LRRC4C: variants seen among roughly 807,000 people sequenced by gnomAD.
The protein encoded by LRRC4C is leucine-rich repeat-containing protein 4C.
LRRC4C carries 5 observed loss-of-function variants against 33.6 expected under a neutral mutation model. That is an observed-to-expected ratio of 0.15 (90% CI 0.08 to 0.31). The LOEUF is 0.31. Ranked by LOEUF, LRRC4C falls within the 10% of genes least tolerant of loss-of-function variation. LRRC4C has a pLI of 1.00. For missense variants in LRRC4C, 560 were observed against 796.7 expected, an observed-to-expected ratio of 0.70 and a Z score of 3.58; for synonymous variants, 329 against 302.0, an observed-to-expected ratio of 1.09 and a Z score of -0.93.
chr11:40,481,599 T>A (rs537210391), intron 3 of LRRC4C, among the ~76,000 whole-genome samples: 1,866 of 152,266 alleles, frequency 0.012, 44 homozygotes, highest in Admixed American at 0.036. Context: ...TTTTGTTGAA[T>A]ATAATATGGA....
At chr11:41,183,823 T>C (rs1945563632) in intron 1 of LRRC4C, among the ~76,000 whole-genome samples, 1 of 152,188 alleles carries the variant, frequency 6.6e-6, no homozygotes, top group Non-Finnish European at 1.5e-5. Flanking sequence ...GCCCCATCAC[T>C]GCAGCAAACT....
chr11:40,332,896 G>A (rs1590344001), intron 3 of LRRC4C, among the ~76,000 whole-genome samples: 1 of 152,082 alleles, frequency 6.6e-6, no homozygotes, highest in South Asian at 2.1e-4. Flanking sequence ...TAAGCCAATT[G>A]TCAAGCCATA....
At chr11:40,201,787 AG>A (rs1317960781) in intron 5 of LRRC4C, among the ~76,000 whole-genome samples, 2 of 152,212 alleles carry the variant, frequency 1.3e-5, no homozygotes, top group African/African-American at 4.8e-5. Flanking sequence ...ACATGGGGAA[AG>A]AACAGAAGTA....
At chr11:40,457,006 T>G (rs758379876) in intron 3 of LRRC4C, among the ~76,000 whole-genome samples, 5 of 151,096 alleles carry the variant, frequency 3.3e-5, no homozygotes, top group Non-Finnish European at 7.4e-5. Flanking sequence ...AAATGCAAAG[T>G]AATTTAGAAC....
intron 1 of LRRC4C, among the ~76,000 whole-genome samples, chr11:41,352,841 C>T (rs1291685913): frequency 6.6e-6 from 1 of 151,848 alleles, no homozygotes; most frequent in Non-Finnish European, 1.5e-5. Context: ...AAAAATACAA[C>T]ACACCAGAAT....
At chr11:41,404,749 A>G (rs902648900) in intron 1 of LRRC4C, among the ~76,000 whole-genome samples, 1 of 152,174 alleles carries the variant, frequency 6.6e-6, no homozygotes, top group South Asian at 2.1e-4. Context: ...TTTCACATTA[A>G]GTTAGTCATA....
At chr11:40,134,096 G>GA (rs1251670421) in intron 6 of LRRC4C, among the ~76,000 whole-genome samples, 12 of 152,176 alleles carry the variant, frequency 7.9e-5, no homozygotes, top group Admixed American at 7.2e-4. Context: ...CAGAAAGAGA[G>GA]AAAAAACGGA....
chr11:41,243,327 T>C (rs1342817524), intron 1 of LRRC4C, among the ~76,000 whole-genome samples: 3 of 152,202 alleles, frequency 2.0e-5, no homozygotes, highest in African/African-American at 7.2e-5. Flanking sequence ...AGATAAAGCA[T>C]TGGAATAGAA....
chr11:40,535,522 C>T (rs1956435593), intron 3 of LRRC4C, among the ~76,000 whole-genome samples: 1 of 152,160 alleles, frequency 6.6e-6, no homozygotes, highest in Non-Finnish European at 1.5e-5. Flanking sequence ...TGCAATGTAA[C>T]TTTTAAACAT....
chr11:41,073,435 A>G (rs1938868207), intron 1 of LRRC4C, among the ~76,000 whole-genome samples: 7 of 152,110 alleles, frequency 4.6e-5, no homozygotes, highest in Admixed American at 4.6e-4. Context: ...TGATGATTGA[A>G]ACACCTCTCC....
chr11:40,430,259 G>T (rs940291661), intron 3 of LRRC4C, among the ~76,000 whole-genome samples: 4 of 137,768 alleles, frequency 2.9e-5, no homozygotes. Flanking sequence ...AAAAGTGCAC[G>T]TATGGGGGGG....
intron 2 of LRRC4C, among the ~76,000 whole-genome samples, chr11:40,665,723 G>A (rs1041082647): frequency 5.9e-5 from 9 of 151,882 alleles, no homozygotes; most frequent in African/African-American, 1.9e-4. Context: ...ACAATATCAG[G>A]AAAATGAAGA....
intron 4 of LRRC4C, among the ~76,000 whole-genome samples, chr11:40,256,271 G>A (rs550918702): frequency 1.3e-5 from 2 of 152,262 alleles, no homozygotes; most frequent in African/African-American, 4.8e-5. Context: ...CATAAGCCAA[G>A]ATCATCACCA....
chr11:41,137,299 C>T (rs1034007919), intron 1 of LRRC4C, among the ~76,000 whole-genome samples: 1 of 152,028 alleles, frequency 6.6e-6, no homozygotes, highest in African/African-American at 2.4e-5. Context: ...CAAACACATT[C>T]ATAGACCATC....
intron 1 of LRRC4C, among the ~76,000 whole-genome samples, chr11:40,986,440 AT>A (rs1853002098): frequency 1.3e-5 from 2 of 152,190 alleles, no homozygotes; most frequent in Admixed American, 6.5e-5. Flanking sequence ...TCCACTAAAA[AT>A]AAAAAATATT....
At chr11:40,415,406 G>A (rs950455360) in intron 3 of LRRC4C, among the ~76,000 whole-genome samples, 2 of 152,166 alleles carry the variant, frequency 1.3e-5, no homozygotes, top group Non-Finnish European at 2.9e-5. Flanking sequence ...ATGGGGAGAG[G>A]AGATAGTGCA....
chr11:40,531,232 C>T (rs149685776), intron 3 of LRRC4C, among the ~76,000 whole-genome samples: 2 of 152,180 alleles, frequency 1.3e-5, no homozygotes, highest in African/African-American at 4.8e-5. Context: ...ATAGCTTCCC[C>T]ATTATCAACA....
chr11:40,916,884 T>G (rs1009197099), intron 2 of LRRC4C, among the ~76,000 whole-genome samples: 6 of 152,036 alleles, frequency 3.9e-5, no homozygotes, highest in Non-Finnish European at 8.8e-5. Context: ...ATGTATATTA[T>G]CAATGTTACA....
chr11:40,649,260 T>C (rs914380393), intron 2 of LRRC4C, among the ~76,000 whole-genome samples: 1 of 152,142 alleles, frequency 6.6e-6, no homozygotes, highest in Admixed American at 6.5e-5. Context: ...CAGTAGTCCT[T>C]ATCTCAACCA....
Sources: gnomAD v4.1 joint callset for allele counts (sites outside exome capture counted in the v4.1 genomes callset) on GRCh38, gnomAD v4.1.1 for gene constraint, MANE v1.5 for transcripts, NCBI Gene and HGNC (gene_info 2026-07-23, HGNC 2026-07-21) for gene names.